Variants in MIPOL1 observed in about 807,000 individuals in gnomAD.
MIPOL1 encodes mirror-image polydactyly gene 1 protein.
Under a neutral mutation model 60.9 loss-of-function variants are expected in MIPOL1, and 57 were observed. That is an observed-to-expected ratio of 0.94 (90% CI 0.76 to 1.17). The LOEUF is 1.17. Ranked by LOEUF, MIPOL1 falls within the 50% of genes most tolerant of loss-of-function variation. The pLI, the probability that MIPOL1 is intolerant of heterozygous loss-of-function variation, is 0.00. For missense variants in MIPOL1, 551 were observed against 511.6 expected, an observed-to-expected ratio of 1.08 and a Z score of -0.74; for synonymous variants, 179 against 168.8, an observed-to-expected ratio of 1.06 and a Z score of -0.47.
intron 9 of MIPOL1, among the ~76,000 whole-genome samples, chr14:37,355,175 T>C (rs536429578): frequency 3.3e-5 from 5 of 149,404 alleles, no homozygotes; most frequent in Non-Finnish European, 5.9e-5. Context: ...AAGCTTAGTT[T>C]GGCTGGATAT....
intron 11 of MIPOL1, among the ~76,000 whole-genome samples, chr14:37,470,355 G>A (rs575944793): frequency 6.6e-6 from 1 of 152,164 alleles, no homozygotes; most frequent in South Asian, 2.1e-4. Context: ...ATCTCATGTT[G>A]AATCGTGATC....
At chr14:37,294,471 G>A (rs1014364514) in intron 7 of MIPOL1, among the ~76,000 whole-genome samples, 10 of 152,160 alleles carry the variant, frequency 6.6e-5, no homozygotes, top group Non-Finnish European at 1.3e-4. Flanking sequence ...ATGACTTGAC[G>A]AATTGAGAGA....
At chr14:37,418,982 A>G (rs1319010047) in intron 10 of MIPOL1, among the ~76,000 whole-genome samples, 2 of 152,072 alleles carry the variant, frequency 1.3e-5, no homozygotes, top group South Asian at 2.1e-4. Context: ...GGACTCAGCA[A>G]TTTCACTCTT....
intron 9 of MIPOL1, among the ~76,000 whole-genome samples, chr14:37,364,821 A>G (rs1278455025): frequency 6.6e-6 from 1 of 152,148 alleles, no homozygotes; most frequent in Non-Finnish European, 1.5e-5. Context: ...GGTAGCACCT[A>G]CATTTTTACA....
chr14:37,406,316 G>T (rs1233908604), intron 10 of MIPOL1, among the ~76,000 whole-genome samples: 2 of 152,014 alleles, frequency 1.3e-5, no homozygotes, highest in East Asian at 3.9e-4. Context: ...TTTTTTGCTG[G>T]CAAGACAAGT....
chr14:37,264,302 T>C (rs992578720), intron 3 of MIPOL1, among the ~76,000 whole-genome samples: 1 of 151,982 alleles, frequency 6.6e-6, no homozygotes, highest in African/African-American at 2.4e-5. Flanking sequence ...GTTTCATGCC[T>C]GTTGCTTACT....
chr14:37,423,133 A>G (rs1434165711), intron 11 of MIPOL1, among the ~76,000 whole-genome samples, 184 bp downstream of exon 11: 4 of 151,842 alleles, frequency 2.6e-5, no homozygotes, highest in Admixed American at 6.6e-5. Context: ...TCTCTTTACT[A>G]TATTTGGTAA....
intron 11 of MIPOL1, among the ~76,000 whole-genome samples, chr14:37,477,815 T>C (rs2094800941): frequency 6.6e-6 from 1 of 152,220 alleles, no homozygotes; most frequent in Non-Finnish European, 1.5e-5. Flanking sequence ...GTGGCATGTG[T>C]GCAGGCTGGA....
intron 3 of MIPOL1, among the ~76,000 whole-genome samples, chr14:37,256,652 G>T (rs1415925046): frequency 6.6e-6 from 1 of 151,818 alleles, no homozygotes; most frequent in Non-Finnish European, 1.5e-5. Context: ...TAGAGTTAAA[G>T]ATTAGGACAA....
chr14:37,398,685 A>G (rs2093424792), intron 10 of MIPOL1, among the ~76,000 whole-genome samples: 1 of 152,186 alleles, frequency 6.6e-6, no homozygotes, highest in African/African-American at 2.4e-5. Context: ...GAAAACCACA[A>G]TATCACAGGT....
intron 3 of MIPOL1, among the ~76,000 whole-genome samples, chr14:37,254,940 A>T (rs1007325155): frequency 6.6e-6 from 1 of 151,800 alleles, no homozygotes; most frequent in Non-Finnish European, 1.5e-5. Context: ...TCTACTTTAA[A>T]TATGCAAATT....
chr14:37,264,443 T>G (rs1040697332), intron 3 of MIPOL1, among the ~76,000 whole-genome samples: 3 of 150,374 alleles, frequency 2.0e-5, no homozygotes, highest in Non-Finnish European at 4.4e-5. Flanking sequence ...CTGGGCAACA[T>G]GGCAAGACCC....
At chr14:37,478,248 T>G (rs970737429) in intron 11 of MIPOL1, among the ~76,000 whole-genome samples, 3 of 152,004 alleles carry the variant, frequency 2.0e-5, no homozygotes, top group Non-Finnish European at 2.9e-5. Context: ...AGTGTTGAAG[T>G]GAATATATGA....
At chr14:37,533,959 C>T (rs898638657) in intron 12 of MIPOL1, among the ~76,000 whole-genome samples, 2 of 151,548 alleles carry the variant, frequency 1.3e-5, no homozygotes, top group African/African-American at 4.9e-5. Flanking sequence ...TATGATGGCA[C>T]GTCCCTTAAT....
intron 11 of MIPOL1, among the ~76,000 whole-genome samples, chr14:37,446,831 A>G (rs930624075): frequency 6.6e-6 from 1 of 151,634 alleles, no homozygotes; most frequent in African/African-American, 2.4e-5. Context: ...AGGACAAAAA[A>G]CCAAACACCG....
chr14:37,272,917 T>C (rs912927369), intron 6 of MIPOL1, among the ~76,000 whole-genome samples: 2 of 151,408 alleles, frequency 1.3e-5, no homozygotes, highest in African/African-American at 4.8e-5. Flanking sequence ...AGACAATCTG[T>C]CTATAGATTT....
In MIPOL1 at chr14:37,289,188, G is replaced by A. The variant is rs912073403; in HGVS notation, c.623+3741G>A. On this transcript the variant is annotated intron_variant, in intron 7 of 12. Transcript: ENST00000684589. Reference sequence around the variant, plus strand: ...CAGTGGAAACAGAAACACAAACTCAGTGCACTTCTTTTCTCTTATTCAACA... The same window carrying A: ...CAGTGGAAACAGAAACACAAACTCAATGCACTTCTTTTCTCTTATTCAACA... Among the ~76,000 whole-genome samples the A allele has an allele frequency of 3.3e-5, 5 of 152,178 alleles. No homozygotes were observed. In the East Asian group the frequency reaches 9.6e-4, roughly 29 times the overall value.
chr14:37,241,208 G>C (rs73252062), intron 1 of MIPOL1, among the ~76,000 whole-genome samples: 11,066 of 152,140 alleles, frequency 0.073, 1,337 homozygotes, highest in African/African-American at 0.25. Flanking sequence ...GCTGAAGGCA[G>C]TAAGGCAAAA....
intron 9 of MIPOL1, among the ~76,000 whole-genome samples, chr14:37,324,479 T>C (rs2088937085): frequency 6.6e-6 from 1 of 152,096 alleles, no homozygotes; most frequent in South Asian, 2.1e-4. Context: ...AAGTCCGTTG[T>C]CAGATACGTG....
Sources: allele counts gnomAD v4.1 joint callset (sites outside exome capture counted in the v4.1 genomes callset), GRCh38; gene constraint gnomAD v4.1.1; transcripts MANE v1.5; gene names NCBI Gene and HGNC (gene_info 2026-07-23, HGNC 2026-07-21).